The following CHRM5 variants were observed in gnomAD, a reference collection of about 807,000 sequenced individuals.
CHRM5 encodes muscarinic acetylcholine receptor M5.
In CHRM5, 18 loss-of-function variants were observed where a neutral mutation model predicts 39.0. The ratio of observed to expected loss-of-function variants is 0.46; its 90% CI spans 0.32 to 0.68. The LOEUF (loss-of-function observed/expected upper bound fraction) is 0.68. Ranked by LOEUF, CHRM5 falls within the 30% of genes least tolerant of loss-of-function variation. The pLI, the probability that CHRM5 is intolerant of heterozygous loss-of-function variation, is 0.04. For synonymous variants in CHRM5, 241 were observed against 246.3 expected, an observed-to-expected ratio of 0.98 and a Z score of 0.20; for missense variants, 515 against 651.1, an observed-to-expected ratio of 0.79 and a Z score of 2.28.
intron 1 of CHRM5, among the ~76,000 whole-genome samples, chr15:34,043,671 G>T (rs1899572682): frequency 6.6e-6 from 1 of 152,098 alleles, no homozygotes. Flanking sequence ...TGACTTGAAG[G>T]GCTGGAGTCA....
chr15:34,050,059 T>G (rs1899878221), intron 2 of CHRM5, among the ~76,000 whole-genome samples: 1 of 152,056 alleles, frequency 6.6e-6, no homozygotes, highest in African/African-American at 2.4e-5. Flanking sequence ...GGCTAATTTT[T>G]GTATTTTTAG....
chr15:34,032,352 T>A (rs545048258), intron 1 of CHRM5, among the ~76,000 whole-genome samples: 1 of 151,882 alleles, frequency 6.6e-6, no homozygotes, highest in Non-Finnish European at 1.5e-5. Context: ...GGAAAAAAAA[T>A]AAGAAAACCA....
chr15:34,023,506 G>A (rs1898303576), intron 1 of CHRM5, among the ~76,000 whole-genome samples: 1 of 152,190 alleles, frequency 6.6e-6, no homozygotes, highest in South Asian at 2.1e-4. Context: ...TGCTGTCAGG[G>A]TAGAGAAAGC....
intron 1 of CHRM5, chr15:33,990,548 T>A (rs1304202777): frequency 1.3e-5 from 2 of 152,242 alleles, no homozygotes; most frequent in Non-Finnish European, 2.9e-5. Flanking sequence ...TTAAGCCATG[T>A]CCAGTATAAC....
chr15:34,062,554 C>CAAAAAA (rs10632153), intron 2 of CHRM5, 89 bp from the exon 3 acceptor site: 267 of 410,822 alleles, frequency 6.5e-4, no homozygotes, highest in Middle Eastern at 1.9e-3. Flanking sequence ...GATTCTGTCT[C>CAAAAAA]AAAAAAAAAA....
intron 1 of CHRM5, among the ~76,000 whole-genome samples, chr15:34,027,389 C>T (rs1898532345): frequency 6.6e-6 from 1 of 151,834 alleles, no homozygotes; most frequent in Non-Finnish European, 1.5e-5. Flanking sequence ...AACAGCCAGG[C>T]GTGTTGGTGG....
chr15:33,975,114 A>G (rs1235151112), intron 1 of CHRM5, among the ~76,000 whole-genome samples: 5 of 152,254 alleles, frequency 3.3e-5, no homozygotes, highest in Non-Finnish European at 7.3e-5. Context: ...GGGTTGAGAC[A>G]GAAAGCTTAG....
chr15:33,983,150 G>GTGTA (rs1896234246), intron 1 of CHRM5, among the ~76,000 whole-genome samples: 1 of 104,138 alleles, frequency 9.6e-6, no homozygotes, highest in African/African-American at 6.5e-5. Flanking sequence ...GTGTGTGTGT[G>GTGTA]TGTGTGTGTA....
intron 1 of CHRM5, among the ~76,000 whole-genome samples, chr15:33,988,634 T>C (rs7177186): frequency 0.22 from 34,099 of 152,038 alleles, 4,328 homozygotes; most frequent in Middle Eastern, 0.41. Context: ...CACACACACG[T>C]CTTGCCTATT....
chr15:34,010,405 A>G (rs1162224969), intron 1 of CHRM5, among the ~76,000 whole-genome samples: 6 of 152,204 alleles, frequency 3.9e-5, no homozygotes, highest in Non-Finnish European at 8.8e-5. Context: ...ATGAGCCAGT[A>G]AAATTTCAGA....
At chr15:34,062,386 T>A (rs1310778483) in intron 2 of CHRM5, among the ~76,000 whole-genome samples, 2 of 151,786 alleles carry the variant, frequency 1.3e-5, no homozygotes, top group Non-Finnish European at 2.9e-5. Context: ...AAACCCCGTC[T>A]CTACTAAAAA....
At chr15:33,978,430 G>A (rs1386492267) in intron 1 of CHRM5, among the ~76,000 whole-genome samples, 9 of 152,146 alleles carry the variant, frequency 5.9e-5, no homozygotes, top group African/African-American at 7.2e-5. Context: ...TTAGGAGCCC[G>A]AGGTGGGAGG....
At chr15:33,998,008 C>T (rs1233575323) in intron 1 of CHRM5, among the ~76,000 whole-genome samples, 1 of 152,122 alleles carries the variant, frequency 6.6e-6, no homozygotes, top group Non-Finnish European at 1.5e-5. Context: ...TATTTCTTAC[C>T]TTCTGCTCTC....
intron 1 of CHRM5, among the ~76,000 whole-genome samples, chr15:34,034,173 T>C (rs1306499843): frequency 6.6e-6 from 1 of 152,202 alleles, no homozygotes; most frequent in Non-Finnish European, 1.5e-5. Flanking sequence ...CCAAGTGTGG[T>C]GACTCACATC....
At chr15:33,982,586 T>C (rs1350783131) in intron 1 of CHRM5, among the ~76,000 whole-genome samples, 1 of 152,208 alleles carries the variant, frequency 6.6e-6, no homozygotes, top group Non-Finnish European at 1.5e-5. Context: ...TTTAAGATTT[T>C]ACAATTTTTT....
chr15:34,014,703 C>T (rs73387957), intron 1 of CHRM5, among the ~76,000 whole-genome samples: 2,242 of 152,248 alleles, frequency 0.015, 63 homozygotes, highest in African/African-American at 0.052. Flanking sequence ...GAAAGTTCAG[C>T]GGGCCCATCT....
chr15:33,993,187 T>C (rs1400088520), intron 1 of CHRM5, among the ~76,000 whole-genome samples: 1 of 152,210 alleles, frequency 6.6e-6, no homozygotes, highest in Admixed American at 6.5e-5. Flanking sequence ...AAATTTCTCA[T>C]AGATCTTACT....
intron 1 of CHRM5, among the ~76,000 whole-genome samples, chr15:34,028,539 A>G (rs2078562): frequency 0.64 from 97,682 of 152,254 alleles, 36,709 homozygotes; most frequent in Non-Finnish European, 0.85. Flanking sequence ...GCACTCCAGC[A>G]TGGGTAACAA....
At chr15:34,026,812 C>A (rs1007818403) in intron 1 of CHRM5, among the ~76,000 whole-genome samples, 2 of 152,086 alleles carry the variant, frequency 1.3e-5, no homozygotes, top group Non-Finnish European at 2.9e-5. Flanking sequence ...TTAAAAACTT[C>A]CCCTGCGGTC....
Sources: allele counts gnomAD v4.1 joint callset (sites outside exome capture counted in the v4.1 genomes callset), GRCh38; gene constraint gnomAD v4.1.1; transcripts MANE v1.5; gene names NCBI Gene and HGNC (gene_info 2026-07-23, HGNC 2026-07-21).